The following HHLA1 variants were observed in gnomAD, a reference collection of about 807,000 sequenced individuals.
HHLA1 encodes HERV-H LTR-associating protein 1.
A neutral mutation model predicts 69.9 loss-of-function variants in HHLA1; 72 were observed. That is an observed-to-expected ratio of 1.03 (90% CI 0.85 to 1.25). The LOEUF (loss-of-function observed/expected upper bound fraction) is 1.25. HHLA1 is among the 50% of genes most tolerant of loss of function. The pLI is 0.00. For synonymous variants in HHLA1, 252 were observed against 233.2 expected (o/e 1.08, Z -0.73); for missense variants, 685 against 642.2 (o/e 1.07, Z -0.72).
chr8:132,062,586 C>T lies in HHLA1; in HGVS notation c.*1409G>A, dbSNP rs1823370913. The T allele has an allele frequency of 6.6e-6, 1 of 152,174 alleles. No homozygotes were observed. Among genetic ancestry groups the T allele is most frequent in the Non-Finnish European group, 1.5e-5 (1 of 68,082 alleles). The allele number at this position is 152,174 out of a possible 1,614,324, so 9.4% of individuals were successfully genotyped here. A position where few individuals can be genotyped will look rare whatever the true frequency, so the allele number is the denominator to read the frequency against. On this transcript the variant is annotated 3_prime_UTR_variant, in exon 17 of 17. Coordinates refer to ENST00000414222, the MANE Select transcript of HHLA1 (RefSeq NM_001145095.3). ...CAGGCACATCAGGAGAAAAACTGTC[C>T]CTGGTAATGAGAAATAAGGGGTCCG...
chr8:132,101,841 G>T (rs920928240), intron 3 of HHLA1, among the ~76,000 whole-genome samples: 7 of 152,106 alleles, frequency 4.6e-5, no homozygotes, highest in Non-Finnish European at 1.0e-4. Context: ...CAAAGTGTTG[G>T]GATTACAGGC....
At position 132,076,133 on chromosome 8, in the gene HHLA1, C is replaced by T. The variant is rs1563741678; in HGVS notation, c.1241-4G>A. Reference sequence around the variant, plus strand: ...GGCCACTCTGCAGAGAGATCACCTGCAAAGGGCAGGAATGGCCTTCCAGAA... The same window carrying T: ...GGCCACTCTGCAGAGAGATCACCTGTAAAGGGCAGGAATGGCCTTCCAGAA... On this transcript the variant is annotated splice_polypyrimidine_tract_variant and splice_region_variant and intron_variant, in intron 13 of 16. Coordinates refer to ENST00000414222, the MANE Select transcript of HHLA1 (RefSeq NM_001145095.3). 1.9e-6 allele frequency: 3 copies of T among 1,550,112 alleles called. No homozygotes were observed. Among genetic ancestry groups the T allele is most frequent in the Non-Finnish European group, 2.6e-6 (3 of 1,146,168 alleles).
chr8:132,084,335 G>A (rs1200774205), intron 10 of HHLA1, among the ~76,000 whole-genome samples: 2 of 152,088 alleles, frequency 1.3e-5, no homozygotes, highest in Non-Finnish European at 2.9e-5. Context: ...CTGTAGAAAA[G>A]GAAGATTAGA....
At chr8:132,071,196 G>A (rs928410783) in intron 15 of HHLA1, 144 bp downstream of exon 15, 2 of 633,804 alleles carry the variant, frequency 3.2e-6, no homozygotes, top group South Asian at 2.1e-5. Context: ...AGGACTCACT[G>A]GAGAGTCCCT....
chr8:132,065,934 T>A lies in HHLA1; in HGVS notation c.1504A>T (p.Asn502Tyr), dbSNP rs1165450849. 7.7e-7 allele frequency: 1 copy of A among 1,302,630 alleles called. No individual in the cohort carries two copies. Among genetic ancestry groups the A allele is most frequent in the Admixed American group, 2.3e-5 (1 of 43,584 alleles). 80.7% of individuals were successfully genotyped at this position (1,302,630 alleles called of 1,614,324 possible). Residue 502 changes from asparagine to tyrosine, a missense_variant, in exon 16 of 17, where the codon AAT (asparagine) becomes TAT (tyrosine). Coordinates refer to ENST00000414222, the MANE Select transcript of HHLA1 (RefSeq NM_001145095.3). ...ACCCTCTGACAGATATATGTTGCAT[T>A]CTTCAGAAACCAGGAATAGTATTCA... Reference protein sequence around the residue: ...CLEYYSWFLKNATYICQRVKR... With the variant: ...CLEYYSWFLKYATYICQRVKR...
Position 132,063,876 on chromosome 8 carries a change from C to T in HHLA1, c.*119G>A, listed in dbSNP as rs2130871647. On this transcript the variant is annotated 3_prime_UTR_variant, in exon 17 of 17. Coordinates refer to ENST00000414222, the MANE Select transcript of HHLA1 (RefSeq NM_001145095.3). ...TCCAAGAATAACCACTTTAAATTAA[C>T]TGATGATCTAGCTGGAGCCTGGGTG... 1 of 353,556 alleles carries T rather than the reference C, an allele frequency of 2.8e-6. No individual in the cohort carries two copies. Among genetic ancestry groups the T allele is most frequent in the East Asian group, 8.3e-5 (1 of 12,054 alleles). 21.9% of individuals were successfully genotyped at this position (353,556 alleles called of 1,614,324 possible). A position where few individuals can be genotyped will look rare whatever the true frequency, so the allele number is the denominator to read the frequency against.
chr8:132,090,606 C>T (rs1823931588), intron 7 of HHLA1, among the ~76,000 whole-genome samples: 1 of 152,152 alleles, frequency 6.6e-6, no homozygotes, highest in Non-Finnish European at 1.5e-5. Context: ...ATGCAAGAAC[C>T]AAAGCCATGA....
intron 10 of HHLA1, 57 bp downstream of exon 10, chr8:132,087,596 C>A: frequency 9.0e-7 from 1 of 1,116,816 alleles, no homozygotes; most frequent in South Asian, 1.4e-5. Flanking sequence ...ATTAGTGTGC[C>A]AGGTGGGACC....
chr8:132,099,060 C>G (rs2469493), intron 4 of HHLA1, 98 bp from the exon 5 acceptor site: 684,562 of 899,038 alleles, frequency 0.76, 265,478 homozygotes, highest in Middle Eastern at 0.83. Context: ...AACTTCTTTG[C>G]ACATGTGCTG....
intron 10 of HHLA1, among the ~76,000 whole-genome samples, chr8:132,086,653 G>A (rs1823869629): frequency 6.6e-6 from 1 of 152,156 alleles, no homozygotes; most frequent in Admixed American, 6.5e-5. Context: ...GGAATGTCAT[G>A]GAAAGACTCT....
At chr8:132,090,981 G>A (rs567443119) in intron 7 of HHLA1, among the ~76,000 whole-genome samples, 2 of 152,088 alleles carry the variant, frequency 1.3e-5, no homozygotes, top group African/African-American at 4.8e-5. Context: ...GGATGGTCTC[G>A]ATCTCCTGAC....
chr8:132,098,306 A>C (rs1244388574), intron 5 of HHLA1, among the ~76,000 whole-genome samples: 1 of 152,186 alleles, frequency 6.6e-6, no homozygotes, highest in Non-Finnish European at 1.5e-5. Context: ...GAAATCCAGA[A>C]TCATATTAAC....
intron 15 of HHLA1, chr8:132,070,528 C>T: frequency 1.6e-6 from 1 of 616,920 alleles, no homozygotes; most frequent in Non-Finnish European, 2.9e-6. Context: ...TAACTTAACT[C>T]AACACAACAT....
chr8:132,090,158 G>A (rs570151823), intron 7 of HHLA1, among the ~76,000 whole-genome samples: 1 of 152,324 alleles, frequency 6.6e-6, no homozygotes, highest in African/African-American at 2.4e-5. Flanking sequence ...CTGGTGGGGA[G>A]TGGTGTCTGA....
At chr8:132,107,839 G>GAGAGTTGA (rs2130903238) in intron 1 of HHLA1, among the ~76,000 whole-genome samples, 1 of 126,238 alleles carries the variant, frequency 7.9e-6, no homozygotes, top group Non-Finnish European at 1.8e-5. Flanking sequence ...CCATAGTTTG[G>GAGAGTTGA]AGAGAGTTTT....
chr8:132,085,571 G>A (rs973079617), intron 10 of HHLA1: 2 of 247,564 alleles, frequency 8.1e-6, no homozygotes, highest in African/African-American at 2.4e-5. Context: ...TCCGTGTGAA[G>A]AGACCACCAA....
chr8:132,101,902 G>A (rs1240857700), intron 3 of HHLA1, among the ~76,000 whole-genome samples: 2 of 152,172 alleles, frequency 1.3e-5, no homozygotes, highest in African/African-American at 4.8e-5. Context: ...GCACAATATA[G>A]TATTGTTACC....
rs1328166038 is a variant in HHLA1 at position 132,077,740 on chromosome 8, G to A, written c.1157C>T (p.Ala386Val). The A allele has an allele frequency of 3.2e-6, 5 of 1,551,494 alleles. No homozygotes were observed. The highest frequency in any genetic ancestry group is 4.4e-6 in the Non-Finnish European group (5 of 1,146,956). Residue 386 changes from alanine (A) to valine (V), a missense_variant, in exon 12 of 17, where the codon GCC (alanine) becomes GTC (valine). Transcript: ENST00000414222. ...CCCTCTCTTACCCAAGGTAGGGCTG[G>A]CCTGGGATGGGCTGCCAGGTGTGGC... is the stretch of plus-strand genomic sequence containing the variant. ...IMATPGSPSQ[A>V]SPTLGAFTHG...
intron 8 of HHLA1, among the ~76,000 whole-genome samples, chr8:132,088,283 A>G (rs917510320): frequency 6.6e-6 from 1 of 152,202 alleles, no homozygotes; most frequent in Non-Finnish European, 1.5e-5. Flanking sequence ...CTGTAAGACA[A>G]CATGTTTTGT....
Sources: allele counts gnomAD v4.1 joint callset (sites outside exome capture counted in the v4.1 genomes callset), GRCh38; gene constraint gnomAD v4.1.1; transcripts MANE v1.5; gene names NCBI Gene and HGNC (gene_info 2026-07-23, HGNC 2026-07-21).